Variants in TBC1D4 observed in about 807,000 individuals in gnomAD.
The protein encoded by TBC1D4 is TBC1 domain family member 4, also known as TBC (Tre-2, BUB2, CDC16) domain-containing protein.
TBC1D4 carries 121 observed loss-of-function variants against 142.5 expected under a neutral mutation model. The ratio of observed to expected loss-of-function variants is 0.85; its 90% confidence interval spans 0.73 to 0.99. The LOEUF (loss-of-function observed/expected upper bound fraction) is 0.99, where lower values mean the gene tolerates loss of function less well. Ranked by LOEUF, TBC1D4 falls within the 50% of genes least tolerant of loss-of-function variation. The probability of loss-of-function intolerance (pLI) is 0.00; values close to 1 mark genes in which losing one functional copy is unlikely to be tolerated. For synonymous variants in TBC1D4, 630 were observed against 628.2 expected (o/e 1.00, Z -0.04); for missense variants, 1,475 against 1,606.6 (o/e 0.92, Z 1.40).
chr13:75,297,879 T>A (rs1876115108), intron 17 of TBC1D4, among the ~76,000 whole-genome samples: 1 of 152,040 alleles, frequency 6.6e-6, no homozygotes, highest in Non-Finnish European at 1.5e-5. Flanking sequence ...CAATGAGGAA[T>A]CAAATCATAT....
At chr13:75,315,374 A>G (rs1878208137) in intron 12 of TBC1D4, among the ~76,000 whole-genome samples, 1 of 149,688 alleles carries the variant, frequency 6.7e-6, no homozygotes, top group Admixed American at 6.7e-5. Context: ...ATATATACAC[A>G]CACACACACA....
At chr13:75,310,450 T>C (rs558545962) in intron 13 of TBC1D4, among the ~76,000 whole-genome samples, 2 of 152,204 alleles carry the variant, frequency 1.3e-5, no homozygotes, top group East Asian at 3.9e-4. Flanking sequence ...AGTCCAACAC[T>C]TCTGCAATTT....
rs367974783 is a variant in TBC1D4, at chr13:75,418,480, CA to C, written c.499-55874del. 2.7e-3 allele frequency among the ~76,000 whole-genome samples: 407 copies of C among 152,242 alleles called. 1 individual carries two copies. Among genetic ancestry groups the C allele is most frequent in the African/African-American group, 9.2e-3 (382 of 41,538 alleles). On this transcript the variant is annotated intron_variant, in intron 1 of 20. Coordinates refer to ENST00000377636, the MANE Select transcript of TBC1D4 (RefSeq NM_014832.5). ...GGGGGAAAAGAGAATTTCTAGCAAA[CA>C]AAAGATCCTAAACAATGAAGGGCAT...
At chr13:75,297,632 C>T (rs1448054285) in intron 17 of TBC1D4, among the ~76,000 whole-genome samples, 1 of 151,860 alleles carries the variant, frequency 6.6e-6, no homozygotes, top group African/African-American at 2.4e-5. Flanking sequence ...TAGTGCATGC[C>T]TGTAATCCCA....
rs145272101 is a variant in TBC1D4, at chr13:75,378,533, A to C, written c.499-15926T>G. Among the ~76,000 whole-genome samples the C allele has an allele frequency of 2.2e-3, 337 of 152,254 alleles. 1 individual carries two copies. Among genetic ancestry groups the C allele is most frequent in the African/African-American group, 7.7e-3 (319 of 41,586 alleles). ...AGAATTTTCTCTTTTGTTAACTGAA[A>C]AGATAAACAGATACCTAGCTCTCTT... is the stretch of plus-strand genomic sequence containing the variant. On this transcript the variant is annotated intron_variant, in intron 1 of 20. Transcript: ENST00000377636.
At chr13:75,309,756 A>G (rs1877549084) in intron 14 of TBC1D4, among the ~76,000 whole-genome samples, 186 bp downstream of exon 14, 1 of 152,188 alleles carries the variant, frequency 6.6e-6, no homozygotes, top group African/African-American at 2.4e-5. Flanking sequence ...TCTTAAGCTG[A>G]CCTTTCCCAT....
chr13:75,308,070 G>T (rs923991832), intron 14 of TBC1D4, among the ~76,000 whole-genome samples: 1 of 152,180 alleles, frequency 6.6e-6, no homozygotes, highest in African/African-American at 2.4e-5. Flanking sequence ...GGATAAAATG[G>T]TGAACAGGGA....
At chr13:75,302,678 T>G (rs1195470601) in intron 15 of TBC1D4, 3 of 487,624 alleles carry the variant, frequency 6.2e-6, no homozygotes, top group African/African-American at 5.8e-5. Context: ...AAACATTTAT[T>G]GAGGGTGCCT....
At chr13:75,425,731 T>G (rs1024493725) in intron 1 of TBC1D4, among the ~76,000 whole-genome samples, 2 of 152,160 alleles carry the variant, frequency 1.3e-5, no homozygotes, top group South Asian at 4.1e-4. Context: ...AAATACCACA[T>G]GATCTCACTT....
Position 75,362,103 on chromosome 13 carries a change from G to GCTGGGATTTCTGGCTGCCC in TBC1D4, c.984_1002dup (p.Pro335GlyfsTer37). 6.2e-7 allele frequency: 1 copy of GCTGGGATTTCTGGCTGCCC among 1,613,974 alleles called. No individual in the cohort carries two copies. On this transcript the variant is annotated frameshift_variant, in exon 2 of 21. Coordinates refer to ENST00000377636, the MANE Select transcript of TBC1D4 (RefSeq NM_014832.5). LOFTEE classifies it high-confidence loss of function. This position sits in a 1 kb window ranked among gnomAD's most constrained non-coding sequence, Gnocchi z 4.2. Reference sequence around the variant, plus strand: ...GGTGCGCTCGCGTGTCTCCGTCGCGGCTGGGATTTCTGGCTGCCCTCGTGA... The same window carrying GCTGGGATTTCTGGCTGCCC: ...GGTGCGCTCGCGTGTCTCCGTCGCGGCTGGGATTTCTGGCTGCCCCTGGGATTTCTGGCTGCCCTCGTGA...
intron 1 of TBC1D4, among the ~76,000 whole-genome samples, chr13:75,425,769 C>A (rs1886349686): frequency 6.6e-6 from 1 of 152,030 alleles, no homozygotes; most frequent in South Asian, 2.1e-4. Flanking sequence ...AAAATTAACT[C>A]ATAGAAACAG....
intron 1 of TBC1D4, among the ~76,000 whole-genome samples, chr13:75,450,256 T>C (rs998464866): frequency 1.3e-5 from 2 of 152,238 alleles, no homozygotes; most frequent in African/African-American, 4.8e-5. Flanking sequence ...TTGTTTTTCT[T>C]CATTATGATG....
chr13:75,446,113 T>A (rs1222008793), intron 1 of TBC1D4, among the ~76,000 whole-genome samples: 1 of 152,186 alleles, frequency 6.6e-6, no homozygotes, highest in Non-Finnish European at 1.5e-5. Flanking sequence ...GACAGACAGT[T>A]CACATGGCAG....
At chr13:75,301,370 G>A (rs1378347145) in intron 16 of TBC1D4, among the ~76,000 whole-genome samples, 2 of 152,142 alleles carry the variant, frequency 1.3e-5, no homozygotes, top group African/African-American at 2.4e-5. Flanking sequence ...GGCTGGGCAC[G>A]GTGGCTCATG....
chr13:75,457,474 G>A (rs1332926325), intron 1 of TBC1D4, among the ~76,000 whole-genome samples: 1 of 152,118 alleles, frequency 6.6e-6, no homozygotes, highest in Non-Finnish European at 1.5e-5. Context: ...ATGTCCACTG[G>A]GGAATAAAAT....
At chr13:75,360,924 A>C (rs1350913442) in intron 2 of TBC1D4, among the ~76,000 whole-genome samples, 7 of 152,164 alleles carry the variant, frequency 4.6e-5, no homozygotes, top group African/African-American at 1.7e-4. Context: ...CACCGGTACT[A>C]TTTACCAAAA....
At chr13:75,305,830 G>A (rs915524819) in intron 15 of TBC1D4, among the ~76,000 whole-genome samples, 8 of 152,018 alleles carry the variant, frequency 5.3e-5, no homozygotes, top group African/African-American at 7.2e-5. Flanking sequence ...GAATAAATGC[G>A]ATATAATGGC....
intron 1 of TBC1D4, among the ~76,000 whole-genome samples, chr13:75,419,645 C>A (rs1399662829): frequency 6.6e-6 from 1 of 152,188 alleles, no homozygotes; most frequent in East Asian, 1.9e-4. Context: ...AATTTACATT[C>A]TTCCACAGAG....
intron 1 of TBC1D4, among the ~76,000 whole-genome samples, chr13:75,466,960 G>C (rs910247460): frequency 6.6e-6 from 1 of 151,892 alleles, no homozygotes; most frequent in Non-Finnish European, 1.5e-5. Context: ...ATATATGTCA[G>C]TTTCCACTGC....
Sources: gnomAD v4.1 joint callset for allele counts (sites outside exome capture counted in the v4.1 genomes callset) on GRCh38, gnomAD v4.1.1 for gene constraint, Gnocchi (gnomAD v3.1) non-coding constraint, MANE v1.5 for transcripts, NCBI Gene and HGNC (gene_info 2026-07-23, HGNC 2026-07-21) for gene names.